The following TRAM2 variants were observed in gnomAD, a reference collection of about 807,000 sequenced individuals.
TRAM2 encodes translocating chain-associated membrane protein 2.
Under a neutral mutation model 51.0 loss-of-function variants are expected in TRAM2, and 12 were observed. The ratio of observed to expected loss-of-function variants is 0.24; its 90% CI spans 0.15 to 0.38. The LOEUF (loss-of-function observed/expected upper bound fraction) is 0.38. Among genes scored for constraint, TRAM2 ranks in the 10% least tolerant of loss-of-function variants. The probability of loss-of-function intolerance (pLI) is 1.00; values close to 1 mark genes in which losing one functional copy is unlikely to be tolerated. For missense variants in TRAM2, 361 were observed against 462.0 expected, an observed-to-expected ratio of 0.78 and a Z score of 2.00; for synonymous variants, 175 against 179.4, an observed-to-expected ratio of 0.98 and a Z score of 0.20.
At chr6:52,516,795 C>A in intron 2 of TRAM2, 58 bp from the exon 3 acceptor site, 1 of 1,371,862 alleles carries the variant, frequency 7.3e-7, no homozygotes, top group African/African-American at 1.4e-5. Context: ...ACTCTGGGAC[C>A]CAAAACTGAA....
intron 2 of TRAM2, among the ~76,000 whole-genome samples, chr6:52,535,414 G>A (rs991415458): frequency 3.3e-5 from 5 of 152,218 alleles, no homozygotes; most frequent in African/African-American, 1.2e-4. Flanking sequence ...TAGGCGTGGT[G>A]GCTCATGCCT....
intron 1 of TRAM2, among the ~76,000 whole-genome samples, chr6:52,557,809 A>T (rs569578245): frequency 9.2e-5 from 14 of 152,196 alleles, no homozygotes; most frequent in African/African-American, 3.1e-4. Flanking sequence ...AACAAAATCA[A>T]ATGTGACCTG....
chr6:52,510,157 G>A (rs1419785933), intron 4 of TRAM2, among the ~76,000 whole-genome samples: 2 of 152,186 alleles, frequency 1.3e-5, no homozygotes, highest in African/African-American at 4.8e-5. Context: ...GCTGGACTCT[G>A]ACACCTACCA....
At chr6:52,529,134 G>A (rs1167912295) in intron 2 of TRAM2, among the ~76,000 whole-genome samples, 2 of 152,040 alleles carry the variant, frequency 1.3e-5, no homozygotes, top group East Asian at 3.9e-4. Context: ...CTCTTGATCC[G>A]CCCGCCTCGG....
At chr6:52,545,400 G>A (rs541447793) in intron 1 of TRAM2, among the ~76,000 whole-genome samples, 1 of 152,324 alleles carries the variant, frequency 6.6e-6, no homozygotes, top group South Asian at 2.1e-4. Flanking sequence ...GGAACTGCCT[G>A]GGACACGAAT....
chr6:52,540,663 C>G (rs1265617718), intron 1 of TRAM2, among the ~76,000 whole-genome samples: 1 of 152,240 alleles, frequency 6.6e-6, no homozygotes, highest in Non-Finnish European at 1.5e-5. Flanking sequence ...ACTAACAAGT[C>G]CCTCTCCGCA....
chr6:52,576,671 C>T (rs906490512), intron 1 of TRAM2, 125 bp downstream of exon 1: 5 of 1,297,904 alleles, frequency 3.9e-6, no homozygotes, highest in Non-Finnish European at 5.2e-6. Context: ...AGCCGGGGTG[C>T]AGATAACGTA....
chr6:52,568,675 G>A (rs966220211), intron 1 of TRAM2, among the ~76,000 whole-genome samples: 2 of 152,176 alleles, frequency 1.3e-5, no homozygotes, highest in Admixed American at 1.3e-4. Flanking sequence ...CTTGAGGTAG[G>A]TACGTCCTTC....
chr6:52,514,014 A>C (rs945045656), intron 4 of TRAM2, among the ~76,000 whole-genome samples: 6 of 152,154 alleles, frequency 3.9e-5, no homozygotes, highest in African/African-American at 7.2e-5. Flanking sequence ...ATTAAACGCC[A>C]TATCGTAGCA....
chr6:52,532,066 G>C (rs895123995), intron 2 of TRAM2, among the ~76,000 whole-genome samples: 2 of 152,210 alleles, frequency 1.3e-5, no homozygotes, highest in Admixed American at 1.3e-4. Context: ...TCTGCCCAGA[G>C]GGTCTGAGTT....
rs560995667 is a variant in TRAM2, at chr6:52,521,646, G to A, written c.185-4909C>T. ...CGGGAGGGGAAGCTTGCAGTGAGCC[G>A]AGATTGCGCCACTGCACTCTAGCCT... On this transcript the variant is annotated intron_variant, in intron 2 of 10. Coordinates refer to ENST00000182527, the MANE Select transcript of TRAM2 (RefSeq NM_012288.4). 2.9e-4 allele frequency among the ~76,000 whole-genome samples: 44 copies of A among 151,886 alleles called. 1 individual carries two copies. The East Asian group carries it at 8.1e-3, about 28-fold the overall frequency.
intron 1 of TRAM2, among the ~76,000 whole-genome samples, chr6:52,558,289 G>A (rs1455269159): frequency 6.6e-6 from 1 of 152,154 alleles, no homozygotes; most frequent in African/African-American, 2.4e-5. Flanking sequence ...AGCACCAGGT[G>A]GGAGCAGGCC....
intron 1 of TRAM2, among the ~76,000 whole-genome samples, chr6:52,552,552 C>G (rs1000799775): frequency 6.6e-6 from 1 of 152,230 alleles, no homozygotes. Flanking sequence ...CACTGGGCCT[C>G]AGAGTTCTCA....
intron 3 of TRAM2, 130 bp from the exon 4 acceptor site, chr6:52,516,252 T>C (rs1322136742): frequency 9.5e-6 from 8 of 844,022 alleles, no homozygotes; most frequent in Non-Finnish European, 1.5e-5. Flanking sequence ...ATAATCCAAG[T>C]CATTTGGTGT....
At position 52,499,477 on chromosome 6, in the gene TRAM2, C is replaced by T. The variant is rs886098158; in HGVS notation, c.*3720G>A. On this transcript the variant is annotated 3_prime_UTR_variant, in exon 11 of 11. Transcript: ENST00000182527. ...CATACAAAGGAAACCCAAGCGAAGG[C>T]CTTTTCTAGGCACAAGGGGGTCGGC... 5.9e-5 allele frequency: 9 copies of T among 152,196 alleles called. No homozygotes were observed. The highest frequency in any genetic ancestry group is 2.2e-4 in the African/African-American group (9 of 41,436). The allele number at this position is 152,196 out of a possible 1,614,324, so 9.4% of individuals were successfully genotyped here.
In TRAM2 at chr6:52,499,365, A is replaced by G. The variant is rs1766158402; in HGVS notation, c.*3832T>C. 6.6e-6 allele frequency: 1 copy of G among 152,228 alleles called. No individual in the cohort carries two copies. The highest frequency in any genetic ancestry group is 1.9e-4 in the East Asian group (1 of 5,196). 9.4% of individuals were successfully genotyped at this position (152,228 alleles called of 1,614,324 possible). A position where few individuals can be genotyped will look rare whatever the true frequency, so the allele number is the denominator to read the frequency against. ...GAATTGAAGTTTGTGCACTTGTGCC[A>G]TAGGCCCTTAAGCAAAAGAATTAGT... On this transcript the variant is annotated 3_prime_UTR_variant, in exon 11 of 11. Transcript: ENST00000182527.
At chr6:52,541,905 T>A (rs1327739543) in intron 1 of TRAM2, among the ~76,000 whole-genome samples, 1 of 151,266 alleles carries the variant, frequency 6.6e-6, no homozygotes, top group Admixed American at 6.6e-5. Context: ...AGGCCTTATT[T>A]TACAGGAGCA....
At chr6:52,541,739 T>G (rs1767084631) in intron 1 of TRAM2, among the ~76,000 whole-genome samples, 1 of 152,018 alleles carries the variant, frequency 6.6e-6, no homozygotes, top group Non-Finnish European at 1.5e-5. Context: ...AGAGAAGAAC[T>G]GTGATGAAAG....
At chr6:52,561,224 C>T (rs1012378643) in intron 1 of TRAM2, among the ~76,000 whole-genome samples, 1 of 152,092 alleles carries the variant, frequency 6.6e-6, no homozygotes, top group Non-Finnish European at 1.5e-5. Flanking sequence ...GGTGGAGATG[C>T]AAGTGGATAT....
Sources: allele counts gnomAD v4.1 joint callset (sites outside exome capture counted in the v4.1 genomes callset), GRCh38; gene constraint gnomAD v4.1.1; transcripts MANE v1.5; gene names NCBI Gene and HGNC (gene_info 2026-07-23, HGNC 2026-07-21).